The following CD36 variants were observed in gnomAD, a reference collection of about 807,000 sequenced individuals.
CD36 encodes CD36 molecule (CD36 blood group).
CD36 carries 119 observed loss-of-function variants against 55.2 expected under a neutral mutation model. That is an observed-to-expected ratio of 2.15 (90% CI 1.86 to 2.51). CD36 has a LOEUF of 2.51. CD36 is among the 30% of genes most tolerant of loss of function. The probability of loss-of-function intolerance (pLI) is 0.00; values close to 1 mark genes in which losing one functional copy is unlikely to be tolerated. For missense variants in CD36, 819 were observed against 555.5 expected, an observed-to-expected ratio of 1.47 and a Z score of -4.77; for synonymous variants, 186 against 193.6, an observed-to-expected ratio of 0.96 and a Z score of 0.33.
chr7:80,661,847 G>C (rs35268194), intron 5 of CD36, among the ~76,000 whole-genome samples: 1 of 152,108 alleles, frequency 6.6e-6, no homozygotes, highest in African/African-American at 2.4e-5. Context: ...AGTCGAATTC[G>C]GCTATTTGCT....
At chr7:80,671,301 T>C in intron 10 of CD36, 137 bp downstream of exon 10, 1 of 625,104 alleles carries the variant, frequency 1.6e-6, no homozygotes, top group South Asian at 2.2e-5. Flanking sequence ...ATGAGAACTT[T>C]ACCATAATCC....
chr7:80,670,999 T>A lies in CD36; in HGVS notation c.841T>A (p.Ser281Thr). The change falls in exon 10 of 15, where the codon TCC becomes ACC. Residue 281 changes from serine to threonine, a missense_variant. By Grantham distance (58) the Ser-to-Thr change is moderately conservative (BLOSUM62 1). Coordinates refer to ENST00000447544, the MANE Select transcript of CD36 (RefSeq NM_001001548.3). Reference protein sequence around the residue: ...ICRSIYAVFESDVNLKGIPVY... With the variant: ...ICRSIYAVFETDVNLKGIPVY... Reference sequence around the variant, plus strand: ...TAGGTCAATCTATGCTGTATTTGAATCCGACGTTAATCTGAAAGGAATCCC... The same window carrying A: ...TAGGTCAATCTATGCTGTATTTGAAACCGACGTTAATCTGAAAGGAATCCC... 1.2e-6 allele frequency: 2 copies of A among 1,613,334 alleles called. No individual in the cohort carries two copies. The highest frequency in any genetic ancestry group is 1.7e-6 in the Non-Finnish European group (2 of 1,179,372).
At chr7:80,667,747 GTTTTTTTTTTTT>G (rs1165767460) in intron 8 of CD36, among the ~76,000 whole-genome samples, 1,142 of 82,634 alleles carry the variant, frequency 0.014, 17 homozygotes, top group Non-Finnish European at 0.021. Context: ...GTTTTCTTTT[GTTTTTTTTTTTT>G]TTTTTTTTTG....
chr7:80,673,814 G>T, intron 13 of CD36, 169 bp from the exon 14 acceptor site: 4 of 655,068 alleles, frequency 6.1e-6, no homozygotes, highest in Non-Finnish European at 1.1e-5. Context: ...ACTCTATCTG[G>T]CACTTAATTG....
chr7:80,657,592 T>C (rs11574703), intron 4 of CD36, among the ~76,000 whole-genome samples: 1,618 of 152,304 alleles, frequency 0.011, 19 homozygotes, highest in Non-Finnish European at 0.016. Flanking sequence ...CACACAGATG[T>C]AGGTACTGGT....
chr7:80,645,627 G>A (rs546394949), intron 1 of CD36, among the ~76,000 whole-genome samples: 14 of 151,998 alleles, frequency 9.2e-5, no homozygotes, highest in South Asian at 2.1e-4. Flanking sequence ...GAAAGACTCC[G>A]TCTCAAAAAA....
chr7:80,659,343 C>A (rs1796341348), intron 4 of CD36, among the ~76,000 whole-genome samples: 1 of 152,080 alleles, frequency 6.6e-6, no homozygotes, highest in South Asian at 2.1e-4. Flanking sequence ...CAAGATATGA[C>A]CTGAATCAAA....
chr7:80,614,734 G>C (rs76421960), intron 1 of CD36, among the ~76,000 whole-genome samples: 14 of 152,210 alleles, frequency 9.2e-5, no homozygotes, highest in African/African-American at 3.4e-4. Context: ...AATGTGAAGT[G>C]GGAAATTGGG....
At chr7:80,642,471 A>G (rs999418762) in intron 1 of CD36, among the ~76,000 whole-genome samples, 10 of 152,136 alleles carry the variant, frequency 6.6e-5, no homozygotes, top group Non-Finnish European at 1.0e-4. Flanking sequence ...GTGTGACTAC[A>G]TGTGCTATTT....
chr7:80,606,033 C>T (rs1584254534), intron 1 of CD36, among the ~76,000 whole-genome samples: 1 of 152,142 alleles, frequency 6.6e-6, no homozygotes, highest in Non-Finnish European at 1.5e-5. Flanking sequence ...AGCAATGTCC[C>T]AGTACCTGAC....
intron 1 of CD36, among the ~76,000 whole-genome samples, chr7:80,625,582 T>G (rs1793698004): frequency 6.6e-6 from 1 of 152,168 alleles, no homozygotes. Flanking sequence ...TTTGGATGGC[T>G]AGTATTGTGA....
chr7:80,669,959 C>T lies in CD36; in HGVS notation c.755C>T (p.Ala252Val), dbSNP rs147624636. ...HCDMINGTDA[A>V]SFPPFVEKSQ... ...CCACTCGATTTTTAAACAGATGCAGCCTCATTTCCACCTTTTGTTGAGAAA... is the reference window on the plus strand; with the variant it reads ...CCACTCGATTTTTAAACAGATGCAGTCTCATTTCCACCTTTTGTTGAGAAA... Residue 252 changes from alanine to valine, a missense_variant, in exon 9 of 15, where the codon GCC becomes GTC. Transcript: ENST00000447544. 7 of 1,611,174 alleles carry T rather than the reference C, an allele frequency of 4.3e-6. No homozygotes were observed. Among genetic ancestry groups the T allele is most frequent in the Non-Finnish European group, 5.9e-6 (7 of 1,177,472 alleles).
chr7:80,654,878 C>T (rs1400828321), intron 3 of CD36, among the ~76,000 whole-genome samples: 8 of 77,248 alleles, frequency 1.0e-4, no homozygotes, highest in South Asian at 3.7e-4. Flanking sequence ...CAGAGGGTGA[C>T]GGAAAAAAAA....
chr7:80,663,138 C>CT lies in CD36; in HGVS notation c.579dup (p.Val194CysfsTer20), dbSNP rs776248038. ...CCATTTTTGAGTTTGGTTCCGTACC[C>CT]TGTTACTACCACAGTTGGTCTGTTT... On this transcript the variant is annotated frameshift_variant, in exon 6 of 15. Transcript: ENST00000447544. LOFTEE classifies it high-confidence loss of function. 3 of 1,613,602 alleles carry CT rather than the reference C, an allele frequency of 1.9e-6. No homozygotes were observed. The South Asian group carries it at 3.3e-5, about 18-fold the overall frequency.
chr7:80,666,427 C>T lies in CD36; in HGVS notation c.702-16C>T, dbSNP rs761829928. The stretch of plus-strand genomic sequence containing the variant: ...TTAAATAAGAATGTTTATTCATTGT[C>T]TTTTTCTATTCCTAGGAATCTGTCC... On this transcript the variant is annotated splice_polypyrimidine_tract_variant and intron_variant, in intron 7 of 14. Transcript: ENST00000447544. 2.6e-6 allele frequency: 4 copies of T among 1,550,592 alleles called. No individual in the cohort carries two copies. The South Asian group carries it at 3.3e-5, about 13-fold the overall frequency.
intron 3 of CD36, among the ~76,000 whole-genome samples, chr7:80,654,262 AAG>A (rs1373449523): frequency 6.6e-6 from 1 of 152,160 alleles, no homozygotes; most frequent in Non-Finnish European, 1.5e-5. Context: ...TCAATTCTAT[AAG>A]AGTTTGTTGA....
intron 1 of CD36, chr7:80,624,858 G>A (rs1024132390): frequency 6.6e-6 from 1 of 151,958 alleles, no homozygotes; most frequent in African/African-American, 2.4e-5. Context: ...TATTAATATT[G>A]TAAGACAGAG....
chr7:80,673,418 T>TTGCAGCTGTTAGTCATTAAAAACA lies in CD36; in HGVS notation c.1254+10_1254+33dup. 1 of 1,541,238 alleles carries TTGCAGCTGTTAGTCATTAAAAACA rather than the reference T, an allele frequency of 6.5e-7. No individual in the cohort carries two copies. The highest frequency in any genetic ancestry group is 9.0e-7 in the Non-Finnish European group (1 of 1,114,320). On this transcript the variant is annotated intron_variant, in intron 13 of 14. Transcript: ENST00000447544. ...TTCTTTGGCTTAATGAGGTTTGTAT[T>TTGCAGCTGTTAGTCATTAAAAACA]TGCAGCTGTTAGTCATTAAAAACAA...
Position 80,612,462 on chromosome 7 carries a change from T to G in CD36, c.-184+10083T>G, listed in dbSNP as rs12532729. Among the ~76,000 whole-genome samples, 1,217 of 152,342 alleles carry G rather than the reference T, an allele frequency of 8.0e-3. 56 individuals carry two copies. The East Asian group carries it at 0.11, about 13-fold the overall frequency. On this transcript the variant is annotated intron_variant, in intron 1 of 13. Coordinates refer to the CD36 transcript ENST00000309881. ...AATGAAATTTTAATAACTCAAAGCT[T>G]CTTATGAAGAAATTAAGGGGTCTTT...
Sources: gnomAD v4.1 joint callset for allele counts (sites outside exome capture counted in the v4.1 genomes callset) on GRCh38, gnomAD v4.1.1 for gene constraint, MANE v1.5 for transcripts, NCBI Gene and HGNC (gene_info 2026-07-23, HGNC 2026-07-21) for gene names.